The following REDIC1 variants were observed in gnomAD, a reference collection of about 807,000 sequenced individuals.
The protein encoded by REDIC1 is regulator of DNA class I crossover intermediates 1, also known as HEI10 Interacting Protein 1.
chr12:39,740,241 T>TG, the REDIC1 span, among the ~76,000 whole-genome samples: 1 of 152,164 alleles, frequency 6.6e-6, no homozygotes, highest in Admixed American at 6.5e-5. Context: ...GCTTTAGAGT[T>TG]GGGGGGAGTA....
the REDIC1 span, among the ~76,000 whole-genome samples, chr12:39,769,143 G>C: frequency 6.6e-6 from 1 of 151,986 alleles, no homozygotes; most frequent in African/African-American, 2.4e-5. Context: ...CCCTAATGAT[G>C]CTTATTTTAT....
chr12:39,704,129 A>G, the REDIC1 span, among the ~76,000 whole-genome samples: 3 of 152,014 alleles, frequency 2.0e-5, no homozygotes, highest in South Asian at 6.2e-4. Context: ...CATCAGAGTG[A>G]ACAGGCAACC....
the REDIC1 span, among the ~76,000 whole-genome samples, chr12:39,724,131 C>T: frequency 2.0e-5 from 3 of 152,086 alleles, no homozygotes; most frequent in Non-Finnish European, 4.4e-5. Flanking sequence ...GCTGTTTGAG[C>T]GCAGTCGTTT....
At chr12:39,805,423 C>G in the REDIC1 span, among the ~76,000 whole-genome samples, 3 of 151,796 alleles carry the variant, frequency 2.0e-5, no homozygotes, top group Non-Finnish European at 4.4e-5. Context: ...AAGTGGGAAT[C>G]TGGGTACATC....
the REDIC1 span, among the ~76,000 whole-genome samples, chr12:39,891,575 G>A: frequency 3.8e-3 from 581 of 152,148 alleles, 3 homozygotes; most frequent in Non-Finnish European, 6.7e-3. Flanking sequence ...TCCTGAGTTC[G>A]ACAGTGAAGA....
chr12:39,824,280 C>T, the REDIC1 span, among the ~76,000 whole-genome samples: 1 of 152,166 alleles, frequency 6.6e-6, no homozygotes, highest in African/African-American at 2.4e-5. Flanking sequence ...CCAATGTGGT[C>T]TGATTCACAT....
the REDIC1 span, among the ~76,000 whole-genome samples, chr12:39,653,558 T>TTCTTCTTTTTCTTCTTCTTCTTCTTTC: frequency 6.8e-5 from 3 of 43,844 alleles, no homozygotes; most frequent in East Asian, 4.9e-4. Flanking sequence ...CTTCTTCTTC[T>TTCTTCTTTTTCTTCTTCTTCTTCTTTC]TTCTTCTTCT....
At chr12:39,712,793 GTATA>G in the REDIC1 span, among the ~76,000 whole-genome samples, 12 of 104,752 alleles carry the variant, frequency 1.1e-4, no homozygotes, top group African/African-American at 3.8e-4. Context: ...ATACGTATAT[GTATA>G]TATGTGTATA....
chr12:39,747,999 C>G, the REDIC1 span, among the ~76,000 whole-genome samples: 2 of 152,308 alleles, frequency 1.3e-5, no homozygotes. Context: ...ACCATTGAGG[C>G]TAGGAAGAAA....
At chr12:39,713,709 AT>A in the REDIC1 span, among the ~76,000 whole-genome samples, 1 of 149,412 alleles carries the variant, frequency 6.7e-6, no homozygotes, top group South Asian at 2.1e-4. Flanking sequence ...ATACATATTT[AT>A]GTATGCCTGT....
At chr12:39,808,798 A>G in the REDIC1 span, among the ~76,000 whole-genome samples, 3 of 152,084 alleles carry the variant, frequency 2.0e-5, no homozygotes, top group African/African-American at 7.2e-5. Flanking sequence ...AAGTTGTAAG[A>G]ATTCTTTATT....
At chr12:39,684,795 A>T in the REDIC1 span, 3 of 1,114,004 alleles carry the variant, frequency 2.7e-6, no homozygotes, top group Non-Finnish European at 4.0e-6. Flanking sequence ...CAAGTTTGGG[A>T]ACTCTAATTT....
the REDIC1 span, among the ~76,000 whole-genome samples, chr12:39,853,034 A>G: frequency 3.9e-5 from 6 of 152,072 alleles, no homozygotes; most frequent in African/African-American, 7.2e-5. Flanking sequence ...TGTTTCAGTA[A>G]ATCTGTGCTT....
At chr12:39,854,480 T>C in the REDIC1 span, among the ~76,000 whole-genome samples, 1 of 152,176 alleles carries the variant, frequency 6.6e-6, no homozygotes, top group Non-Finnish European at 1.5e-5. Flanking sequence ...CCCAAACGCC[T>C]TTTCCCTCAT....
chr12:39,743,751 G>A, the REDIC1 span, among the ~76,000 whole-genome samples: 1 of 152,184 alleles, frequency 6.6e-6, no homozygotes, highest in South Asian at 2.1e-4. Flanking sequence ...TCTTGGAGCT[G>A]GAGGGTATGT....
At chr12:39,740,621 A>G in the REDIC1 span, among the ~76,000 whole-genome samples, 1 of 152,186 alleles carries the variant, frequency 6.6e-6, no homozygotes, top group Non-Finnish European at 1.5e-5. Flanking sequence ...AAAAATATAA[A>G]TGGGTCACAG....
chr12:39,858,082 G>T, the REDIC1 span, among the ~76,000 whole-genome samples: 1 of 152,196 alleles, frequency 6.6e-6, no homozygotes, highest in African/African-American at 2.4e-5. Flanking sequence ...CAAAGAATAT[G>T]TCCCATAAAT....
the REDIC1 span, chr12:39,683,135 G>C: frequency 6.3e-7 from 1 of 1,593,790 alleles, no homozygotes; most frequent in Non-Finnish European, 8.5e-7. Context: ...AGCTCTGAAA[G>C]AAAAGGTTGG....
chr12:39,744,116 A>G, the REDIC1 span, among the ~76,000 whole-genome samples: 1 of 152,366 alleles, frequency 6.6e-6, no homozygotes, highest in African/African-American at 2.4e-5. Context: ...AAAAGCAGTT[A>G]TAAAGGAATA....
Sources: gnomAD v4.1 joint callset for allele counts (sites outside exome capture counted in the v4.1 genomes callset) on GRCh38, gnomAD v4.1.1 for gene constraint, MANE v1.5 for transcripts, NCBI Gene and HGNC (gene_info 2026-07-23, HGNC 2026-07-21) for gene names.